RIMS4: variants seen among roughly 807,000 people sequenced by gnomAD.
The protein encoded by RIMS4 is regulating synaptic membrane exocytosis 4, also known as regulating synaptic membrane exocytosis protein 4.
In RIMS4, 9 loss-of-function variants were observed where a neutral mutation model predicts 29.0. The ratio of observed to expected loss-of-function variants is 0.31; its 90% CI spans 0.19 to 0.54. RIMS4 has a LOEUF of 0.54. Ranked by LOEUF, RIMS4 falls within the 20% of genes least tolerant of loss-of-function variation. The pLI is 0.94. For missense variants in RIMS4, 193 were observed against 365.7 expected, an observed-to-expected ratio of 0.53 and a Z score of 3.85; for synonymous variants, 130 against 152.9, an observed-to-expected ratio of 0.85 and a Z score of 1.10.
At chr20:44,776,860 G>C (rs1465334010) in intron 1 of RIMS4, among the ~76,000 whole-genome samples, 1 of 152,186 alleles carries the variant, frequency 6.6e-6, no homozygotes, top group Admixed American at 6.5e-5. Flanking sequence ...TACAGAGAAA[G>C]AAAATGAGGA....
intron 4 of RIMS4, among the ~76,000 whole-genome samples, 171 bp from the exon 5 acceptor site, chr20:44,757,208 C>T (rs2066064603): frequency 6.6e-6 from 1 of 151,998 alleles, no homozygotes; most frequent in Non-Finnish European, 1.5e-5. Context: ...GCAGCAGGTA[C>T]AGCTGGGCTT....
chr20:44,775,701 T>A (rs1272467448), intron 1 of RIMS4, among the ~76,000 whole-genome samples: 1 of 152,166 alleles, frequency 6.6e-6, no homozygotes, highest in South Asian at 2.1e-4. Flanking sequence ...CCTTCATTAC[T>A]GCCTCCACAC....
chr20:44,756,294 C>A lies in RIMS4; in HGVS notation c.650G>T (p.Arg217Leu). Residue 217 changes from arginine to leucine, a missense_variant, in exon 6 of 6, where the codon CGC (arginine) becomes CTC (leucine). Coordinates refer to ENST00000372851, the MANE Select transcript of RIMS4 (RefSeq NM_182970.4). The surrounding 1 kb of genome is among the most constrained non-coding windows in gnomAD (Gnocchi z 5.9). Reference protein sequence around the residue: ...MERKQFMGVARVLLEELDLTT... With the variant: ...MERKQFMGVALVLLEELDLTT... ...CAAGTCCAGCTCCTCCAGCAGCACG[C>A]GAGCCACACCCATGAACTGCTTCCG... 2 of 1,591,022 alleles carry A rather than the reference C, an allele frequency of 1.3e-6. No homozygotes were observed. Among genetic ancestry groups the A allele is most frequent in the Non-Finnish European group, 1.7e-6 (2 of 1,172,690 alleles).
rs1224401790 is a variant in RIMS4 at position 44,754,664 on chromosome 20, T to C, written c.*1470A>G. The C allele has an allele frequency of 1.3e-5, 2 of 152,882 alleles. No individual in the cohort carries two copies. Among genetic ancestry groups the C allele is most frequent in the South Asian group, 4.1e-4 (2 of 4,832 alleles). 9.5% of individuals were successfully genotyped at this position (152,882 alleles called of 1,614,324 possible). A position where few individuals can be genotyped will look rare whatever the true frequency, so the allele number is the denominator to read the frequency against. ...GCCTCCTGTGAGCCAGGCTGCCCCA[T>C]CTAGGCCCAGGCCAGCGAGGAGACA... On this transcript the variant is annotated 3_prime_UTR_variant, in exon 6 of 6. Transcript: ENST00000372851.
intron 2 of RIMS4, among the ~76,000 whole-genome samples, chr20:44,763,748 T>C (rs1301737938): frequency 6.6e-6 from 1 of 152,230 alleles, no homozygotes; most frequent in Non-Finnish European, 1.5e-5. Flanking sequence ...CCCCTGGATT[T>C]TCTGTGTTCT....
chr20:44,753,396 A>G lies in RIMS4; in HGVS notation c.*2738T>C, dbSNP rs948958377. 1 of 152,112 alleles carries G rather than the reference A, an allele frequency of 6.6e-6. No homozygotes were observed. The highest frequency in any genetic ancestry group is 1.5e-5 in the Non-Finnish European group (1 of 68,032). 9.4% of individuals were successfully genotyped at this position (152,112 alleles called of 1,614,324 possible). Reference sequence around the variant, plus strand: ...TGGGTCTTGATTTCCTTGTCTGTAAAATGGAAATGGACTAATGGTCCCAAA... The same window carrying G: ...TGGGTCTTGATTTCCTTGTCTGTAAGATGGAAATGGACTAATGGTCCCAAA... On this transcript the variant is annotated 3_prime_UTR_variant, in exon 6 of 6. Transcript: ENST00000372851.
chr20:44,803,806 G>A (rs2066286896), intron 1 of RIMS4, among the ~76,000 whole-genome samples: 1 of 152,222 alleles, frequency 6.6e-6, no homozygotes, highest in African/African-American at 2.4e-5. Flanking sequence ...GCAGACAACT[G>A]GATTCTTCAA....
chr20:44,807,979 G>A (rs1568909709), intron 1 of RIMS4, among the ~76,000 whole-genome samples: 4 of 152,062 alleles, frequency 2.6e-5, no homozygotes, highest in Non-Finnish European at 4.4e-5. Context: ...TCCTCTTTCA[G>A]AGGGAGGGCT....
At chr20:44,801,988 C>T (rs928544355) in intron 1 of RIMS4, among the ~76,000 whole-genome samples, 4 of 152,146 alleles carry the variant, frequency 2.6e-5, no homozygotes, top group East Asian at 1.9e-4. Flanking sequence ...ATCTGCATCA[C>T]GTGGGAACTT....
chr20:44,807,786 A>G (rs1011886897), intron 1 of RIMS4, among the ~76,000 whole-genome samples: 6 of 152,150 alleles, frequency 3.9e-5, no homozygotes, highest in Admixed American at 3.9e-4. Context: ...TTCACCAGAC[A>G]TTCATTATTT....
chr20:44,771,020 G>A (rs2066134935), intron 2 of RIMS4, among the ~76,000 whole-genome samples: 1 of 152,192 alleles, frequency 6.6e-6, no homozygotes, highest in Non-Finnish European at 1.5e-5. Context: ...CTGTGGCTTA[G>A]AGACCTTGCC....
intron 4 of RIMS4, 123 bp from the exon 5 acceptor site, chr20:44,757,160 A>T: frequency 9.8e-7 from 1 of 1,022,358 alleles, no homozygotes; most frequent in Non-Finnish European, 1.4e-6. Context: ...GGGTCTGGGG[A>T]GGACGCACCA....
rs566462932 is a variant in RIMS4 at position 44,799,770 on chromosome 20, C to T, written c.97+10405G>A. ...CAGGGAGAGATCCTGAGCTGTGTATCCAGAAACATCATTGCCACAGACCTC... is the reference window on the plus strand; with the variant it reads ...CAGGGAGAGATCCTGAGCTGTGTATTCAGAAACATCATTGCCACAGACCTC... On this transcript the variant is annotated intron_variant, in intron 1 of 5. Transcript: ENST00000372851. 4.6e-5 allele frequency among the ~76,000 whole-genome samples: 7 copies of T among 152,260 alleles called. No homozygotes were observed. In the South Asian group the frequency reaches 1.5e-3, roughly 32 times the overall value.
Position 44,764,727 on chromosome 20 carries a change from G to A in RIMS4, c.237-6543C>T, listed in dbSNP as rs186006189. On this transcript the variant is annotated intron_variant, in intron 2 of 5. Transcript: ENST00000372851. ...TTTCTTCATTCACCCAGTGCTCCTC[G>A]TGGATGAAATTGCACCTGAACAAAT... is the stretch of plus-strand genomic sequence containing the variant. 2.1e-3 allele frequency among the ~76,000 whole-genome samples: 322 copies of A among 152,318 alleles called. 1 individual carries two copies. The highest frequency in any genetic ancestry group is 3.7e-3 in the Non-Finnish European group (255 of 68,028).
intron 2 of RIMS4, among the ~76,000 whole-genome samples, chr20:44,764,151 T>TATCCATCC (rs376980648): frequency 0.32 from 12,972 of 40,420 alleles, 2,317 homozygotes; most frequent in East Asian, 0.39. Flanking sequence ...TGCATCCATT[T>TATCCATCC]ATCCATCCAT....
At chr20:44,793,140 G>A (rs67112356) in intron 1 of RIMS4, among the ~76,000 whole-genome samples, 16,334 of 152,108 alleles carry the variant, frequency 0.11, 1,358 homozygotes, top group African/African-American at 0.23. Flanking sequence ...TCATTATGGG[G>A]CCACGAGAGG....
At chr20:44,760,488 A>T (rs2066079642) in intron 2 of RIMS4, among the ~76,000 whole-genome samples, 1 of 152,206 alleles carries the variant, frequency 6.6e-6, no homozygotes, top group African/African-American at 2.4e-5. Flanking sequence ...AAAGAGAAGT[A>T]GCTGAGACCA....
chr20:44,782,052 T>G (rs1327082505), intron 1 of RIMS4, among the ~76,000 whole-genome samples: 1 of 152,248 alleles, frequency 6.6e-6, no homozygotes, highest in Non-Finnish European at 1.5e-5. Flanking sequence ...GTTTGGGACT[T>G]GAAGCATGCC....
At chr20:44,796,066 T>A (rs1429368234) in intron 1 of RIMS4, among the ~76,000 whole-genome samples, 1 of 151,632 alleles carries the variant, frequency 6.6e-6, no homozygotes, top group Non-Finnish European at 1.5e-5. Flanking sequence ...AAGTCTGTGT[T>A]CACAGCATCC....
Sources: allele counts gnomAD v4.1 joint callset (sites outside exome capture counted in the v4.1 genomes callset), GRCh38; gene constraint gnomAD v4.1.1; non-coding constraint Gnocchi (gnomAD v3.1); transcripts MANE v1.5; gene names NCBI Gene and HGNC (gene_info 2026-07-23, HGNC 2026-07-21).